UGT3A1: variants seen among roughly 807,000 people sequenced by gnomAD.
The protein encoded by UGT3A1 is UDP-glycosyltransferase 3A1.
In UGT3A1, 40 loss-of-function variants were observed where a neutral mutation model predicts 37.6. That is an observed-to-expected ratio of 1.06 (90% CI 0.83 to 1.38). The LOEUF (loss-of-function observed/expected upper bound fraction) is 1.38. Among genes scored for constraint, UGT3A1 ranks in the 40% most tolerant of loss-of-function variants. UGT3A1 has a pLI of 0.00. For synonymous variants in UGT3A1, 256 were observed against 232.3 expected (o/e 1.10, Z -0.93); for missense variants, 642 against 634.2 (o/e 1.01, Z -0.13).
At chr5:35,965,216 C>G (rs1336083960) in intron 4 of UGT3A1, among the ~76,000 whole-genome samples, 170 bp downstream of exon 4, 1 of 152,174 alleles carries the variant, frequency 6.6e-6, no homozygotes, top group Admixed American at 6.5e-5. Flanking sequence ...AGGCCTGACA[C>G]TGTACTTGCC....
intron 1 of UGT3A1, among the ~76,000 whole-genome samples, chr5:35,997,693 G>C (rs1399489433): frequency 6.6e-6 from 1 of 152,146 alleles, no homozygotes; most frequent in Admixed American, 6.5e-5. Context: ...CCAAAGTGCT[G>C]GGATTACAGG....
chr5:35,959,473 T>C (rs1354313387), intron 4 of UGT3A1, among the ~76,000 whole-genome samples: 1 of 152,100 alleles, frequency 6.6e-6, no homozygotes, highest in African/African-American at 2.4e-5. Context: ...AAAAACAATA[T>C]GTAAACACAT....
At chr5:35,973,697 G>C (rs1385400435) in intron 2 of UGT3A1, among the ~76,000 whole-genome samples, 1 of 152,182 alleles carries the variant, frequency 6.6e-6, no homozygotes, top group Non-Finnish European at 1.5e-5. Flanking sequence ...AGCACCACCA[G>C]AGGCTCTGTG....
chr5:35,976,942 AAG>A (rs1300769829), intron 2 of UGT3A1, among the ~76,000 whole-genome samples: 1 of 150,900 alleles, frequency 6.6e-6, no homozygotes, highest in Non-Finnish European at 1.5e-5. Flanking sequence ...AAGAAAGAAA[AAG>A]AGAGAGAAAG....
chr5:35,983,106 G>A (rs1293676645), intron 2 of UGT3A1, among the ~76,000 whole-genome samples: 2 of 151,656 alleles, frequency 1.3e-5, no homozygotes, highest in South Asian at 2.1e-4. Context: ...CATAAATTAC[G>A]CAGTCTCAGG....
Position 35,965,785 on chromosome 5 carries a change from A to G in UGT3A1, c.444T>C (p.Asp148=), listed in dbSNP as rs1739783780. 3 of 1,614,092 alleles carry G rather than the reference A, an allele frequency of 1.9e-6. No individual in the cohort carries two copies. The highest frequency in any genetic ancestry group is 2.5e-6 in the Non-Finnish European group (3 of 1,180,050). Residue 148 remains aspartate, a synonymous_variant, in exon 4 of 7, where the codon GAT becomes GAC. Coordinates refer to ENST00000274278, the MANE Select transcript of UGT3A1 (RefSeq NM_152404.4). ...TCTCAGCAATCAGGAAAGAACAGAA[A>G]TCAAATGCTTCAACAAATACCAGAT... ...NYDLVFVEAF[D]FCSFLIAEKL...
chr5:35,985,036 A>G (rs2149988171), intron 2 of UGT3A1, among the ~76,000 whole-genome samples: 1 of 151,070 alleles, frequency 6.6e-6, no homozygotes, highest in South Asian at 2.1e-4. Flanking sequence ...CCAATCTACT[A>G]TTAATGGACT....
At chr5:35,960,520 T>C (rs1739537984) in intron 4 of UGT3A1, among the ~76,000 whole-genome samples, 1 of 152,144 alleles carries the variant, frequency 6.6e-6, no homozygotes, top group South Asian at 2.1e-4. Flanking sequence ...AGGGGGAGCA[T>C]GCAGACGGGC....
chr5:35,977,944 G>A (rs2149979049), intron 2 of UGT3A1, among the ~76,000 whole-genome samples: 1 of 152,322 alleles, frequency 6.6e-6, no homozygotes, highest in East Asian at 1.9e-4. Flanking sequence ...AATTTTCTTG[G>A]AATGATGGAA....
chr5:35,994,145 T>G (rs1741035888), upstream of UGT3A1, among the ~76,000 whole-genome samples: 1 of 152,164 alleles, frequency 6.6e-6, no homozygotes, highest in Admixed American at 6.5e-5. Flanking sequence ...CCTCCATCAC[T>G]AGGTAAAGAA....
intron 2 of UGT3A1, among the ~76,000 whole-genome samples, chr5:35,968,429 A>G (rs1739902598): frequency 6.6e-6 from 1 of 152,206 alleles, no homozygotes; most frequent in Non-Finnish European, 1.5e-5. Context: ...GACAACAGAA[A>G]CTAATGCAGT....
chr5:35,955,520 TCA>T, intron 6 of UGT3A1, 123 bp downstream of exon 6: 2 of 1,113,432 alleles, frequency 1.8e-6, no homozygotes, highest in Non-Finnish European at 2.6e-6. Flanking sequence ...GCTGTTAGCA[TCA>T]CACACATGTT....
upstream of UGT3A1, among the ~76,000 whole-genome samples, chr5:35,992,664 A>C (rs1740986819): frequency 6.6e-6 from 1 of 152,238 alleles, no homozygotes; most frequent in African/African-American, 2.4e-5. Context: ...ACAAACAAGG[A>C]AAGAGATATG....
In UGT3A1 at chr5:35,952,719, A is replaced by T. The variant is rs536100887; in HGVS notation, c.*1483T>A. On this transcript the variant is annotated 3_prime_UTR_variant, in exon 7 of 7. Coordinates refer to ENST00000274278, the MANE Select transcript of UGT3A1 (RefSeq NM_152404.4). ...TTCATGGGAGTATGGCCATCAATCA[A>T]TTCATGTGGTTTCATAAGAATTACA... The T allele has an allele frequency of 6.6e-6, 1 of 152,330 alleles. No individual in the cohort carries two copies. Among genetic ancestry groups the T allele is most frequent in the East Asian group, 1.9e-4 (1 of 5,178 alleles). The allele number at this position is 152,330 out of a possible 1,614,324, so 9.4% of individuals were successfully genotyped here.
intron 2 of UGT3A1, among the ~76,000 whole-genome samples, chr5:35,976,279 T>C (rs1740264863): frequency 6.6e-6 from 1 of 152,194 alleles, no homozygotes; most frequent in Admixed American, 6.5e-5. Flanking sequence ...TGAAATTGTG[T>C]TGCTCCTACA....
chr5:35,981,602 T>C (rs1334293787), intron 2 of UGT3A1, among the ~76,000 whole-genome samples: 1 of 152,222 alleles, frequency 6.6e-6, no homozygotes, highest in Non-Finnish European at 1.5e-5. Flanking sequence ...GTCTGGCTGC[T>C]TCTAAAAGCC....
chr5:35,977,835 A>C (rs1740355419), intron 2 of UGT3A1, among the ~76,000 whole-genome samples: 1 of 152,350 alleles, frequency 6.6e-6, no homozygotes, highest in East Asian at 1.9e-4. Context: ...TAAAATTTAA[A>C]AGATACAAAC....
At chr5:35,990,091 CAA>C (rs397975621) in intron 1 of UGT3A1, among the ~76,000 whole-genome samples, 7 of 115,434 alleles carry the variant, frequency 6.1e-5, no homozygotes, top group Non-Finnish European at 7.1e-5. Context: ...GACTCCGTCT[CAA>C]AAAAAAAAAA....
chr5:35,991,168 T>C lies in UGT3A1; in HGVS notation c.73A>G (p.Ile25Val), dbSNP rs749094925. ...TCACCCAGTGTAGATATTGTCAGGATTTTGGCAGCCTCTGAGAGCAGGACC... is the reference window on the plus strand; with the variant it reads ...TCACCCAGTGTAGATATTGTCAGGACTTTGGCAGCCTCTGAGAGCAGGACC... The part of the protein sequence containing the change: ...SGVLLSEAAK[I>V]LTISTLGGSH... Residue 25 changes from isoleucine to valine, a missense_variant, in exon 1 of 7, where the codon ATC (isoleucine) becomes GTC (valine). Transcript: ENST00000274278. 3.1e-6 allele frequency: 5 copies of C among 1,613,750 alleles called. No individual in the cohort carries two copies. In the Admixed American group the frequency reaches 8.3e-5, roughly 27 times the overall value.
Sources: gnomAD v4.1 joint callset for allele counts (sites outside exome capture counted in the v4.1 genomes callset) on GRCh38, gnomAD v4.1.1 for gene constraint, MANE v1.5 for transcripts, NCBI Gene and HGNC (gene_info 2026-07-23, HGNC 2026-07-21) for gene names.